Variants in RASGEF1C observed in about 807,000 individuals in gnomAD.
RASGEF1C encodes RasGEF domain family member 1C.
Under a neutral mutation model 58.1 loss-of-function variants are expected in RASGEF1C, and 27 were observed. The ratio of observed to expected loss-of-function variants is 0.46; its 90% CI spans 0.34 to 0.64. The LOEUF (loss-of-function observed/expected upper bound fraction) is 0.64, where lower values mean the gene tolerates loss of function less well. RASGEF1C is among the 30% of genes least tolerant of loss of function. The pLI, the probability that RASGEF1C is intolerant of heterozygous loss-of-function variation, is 0.01. For missense variants in RASGEF1C, 502 were observed against 605.1 expected (o/e 0.83, Z 1.79); for synonymous variants, 243 against 246.3 (o/e 0.99, Z 0.13).
intron 1 of RASGEF1C, among the ~76,000 whole-genome samples, chr5:180,191,611 C>T (rs940137540): frequency 6.6e-6 from 1 of 152,222 alleles, no homozygotes; most frequent in Non-Finnish European, 1.5e-5. Flanking sequence ...CCGCCTCAGC[C>T]TCCCAAAGTG....
Position 180,155,676 on chromosome 5 carries a change from A to G in RASGEF1C, c.-6-17618T>C, listed in dbSNP as rs1310743942. The stretch of plus-strand genomic sequence containing the variant: ...TAGAGCTCTCCCAAGAGGGCAAGTC[A>G]GCCTCTCTCCCGCTCCGTCTTCCAT... On this transcript the variant is annotated intron_variant, in intron 1 of 13. Coordinates refer to ENST00000361132, the MANE Select transcript of RASGEF1C (RefSeq NM_175062.4). This position sits in a 1 kb window ranked among gnomAD's most constrained non-coding sequence, Gnocchi z 5.2. Among the ~76,000 whole-genome samples, 3 of 151,988 alleles carry G rather than the reference A, an allele frequency of 2.0e-5. No individual in the cohort carries two copies. The highest frequency in any genetic ancestry group is 7.2e-5 in the African/African-American group (3 of 41,466).
intron 12 of RASGEF1C, among the ~76,000 whole-genome samples, chr5:180,102,816 G>C (rs1765811746): frequency 6.6e-6 from 1 of 152,088 alleles, no homozygotes; most frequent in Non-Finnish European, 1.5e-5. Context: ...TATCATATCA[G>C]CCTTAACATC....
chr5:180,199,646 G>T (rs979534532), intron 1 of RASGEF1C, among the ~76,000 whole-genome samples: 2 of 151,970 alleles, frequency 1.3e-5, no homozygotes, highest in Non-Finnish European at 2.9e-5. Flanking sequence ...AAACCAAGGT[G>T]ACCTCTGCCT....
chr5:180,136,890 T>G, intron 3 of RASGEF1C: 2 of 226,140 alleles, frequency 8.8e-6, no homozygotes, highest in Non-Finnish European at 1.7e-5. Context: ...GGCTCACAGG[T>G]GGCCACGTGA....
At position 180,137,771 on chromosome 5, in the gene RASGEF1C, T is replaced by C; in HGVS notation, c.178-59A>G. 6.2e-7 allele frequency: 1 copy of C among 1,607,126 alleles called. No individual in the cohort carries two copies. The highest frequency in any genetic ancestry group is 1.7e-4 in the Middle Eastern group (1 of 5,960). On this transcript the variant is annotated intron_variant, in intron 2 of 13. Transcript: ENST00000361132. This position sits in a 1 kb window ranked among gnomAD's most constrained non-coding sequence, Gnocchi z 4.1. The stretch of plus-strand genomic sequence containing the variant: ...AGGAGGGCACCAGGAGGGGCATGCT[T>C]CCCAGCTGGCCCTGTACCCTGGCCC...
chr5:180,151,980 A>C (rs1191006172), intron 1 of RASGEF1C, among the ~76,000 whole-genome samples: 13 of 150,332 alleles, frequency 8.6e-5, no homozygotes, highest in Admixed American at 4.0e-4. Context: ...GCTCATCATC[A>C]CTGGCTATCA....
At chr5:180,201,237 C>T (rs1756390298) in intron 1 of RASGEF1C, among the ~76,000 whole-genome samples, 1 of 152,194 alleles carries the variant, frequency 6.6e-6, no homozygotes, top group Non-Finnish European at 1.5e-5. Flanking sequence ...CAGGAAGGCC[C>T]TGCTTCTAGG....
At chr5:180,171,617 T>C (rs547872506) in intron 1 of RASGEF1C, among the ~76,000 whole-genome samples, 1 of 152,152 alleles carries the variant, frequency 6.6e-6, no homozygotes, top group Non-Finnish European at 1.5e-5. Flanking sequence ...CCTGAGCACC[T>C]GCACACTGCA....
In RASGEF1C at chr5:180,121,054, A is replaced by G; in HGVS notation, c.804+6T>C. 1 of 1,609,852 alleles carries G rather than the reference A, an allele frequency of 6.2e-7. No individual in the cohort carries two copies. Among genetic ancestry groups the G allele is most frequent in the Non-Finnish European group, 8.5e-7 (1 of 1,176,264 alleles). On this transcript the variant is annotated splice_donor_region_variant and intron_variant, in intron 7 of 13. Coordinates refer to ENST00000361132, the MANE Select transcript of RASGEF1C (RefSeq NM_175062.4). ...CAGGTGGTGCCCACCCTGGCTGTCTACTCACCATGCAGATCTCAGTTGCCA... is the reference window on the plus strand; with the variant it reads ...CAGGTGGTGCCCACCCTGGCTGTCTGCTCACCATGCAGATCTCAGTTGCCA...
At chr5:180,193,047 G>GT (rs752384336) in intron 1 of RASGEF1C, among the ~76,000 whole-genome samples, 10 of 72,566 alleles carry the variant, frequency 1.4e-4, no homozygotes, top group Admixed American at 7.4e-4. Context: ...CGCCCGGCCA[G>GT]TTTTTTTTGT....
In RASGEF1C at chr5:180,151,903, G is replaced by A. The variant is rs1288406907; in HGVS notation, c.-6-13845C>T. On this transcript the variant is annotated intron_variant, in intron 1 of 13. Coordinates refer to ENST00000361132, the MANE Select transcript of RASGEF1C (RefSeq NM_175062.4). ...AACAAACAACCCCATCAAAAAGTGGGCGAAGGATATGAACAGACACTTCTC... is the reference window on the plus strand; with the variant it reads ...AACAAACAACCCCATCAAAAAGTGGACGAAGGATATGAACAGACACTTCTC... Among the ~76,000 whole-genome samples, 3 of 151,902 alleles carry A rather than the reference G, an allele frequency of 2.0e-5. No individual in the cohort carries two copies. The East Asian group carries it at 5.8e-4, about 29-fold the overall frequency.
chr5:180,106,416 A>G (rs1765875136), intron 12 of RASGEF1C, among the ~76,000 whole-genome samples: 1 of 152,088 alleles, frequency 6.6e-6, no homozygotes, highest in African/African-American at 2.4e-5. Flanking sequence ...TAATGTATGC[A>G]TTTGGTGCTA....
At chr5:180,182,476 C>T (rs1389890538) in intron 1 of RASGEF1C, among the ~76,000 whole-genome samples, 1 of 152,184 alleles carries the variant, frequency 6.6e-6, no homozygotes, top group Non-Finnish European at 1.5e-5. Context: ...CAGGTTGCCG[C>T]TGTTGGCTGG....
Position 180,154,032 on chromosome 5 carries a change from TGA to T in RASGEF1C, c.-6-15976_-6-15975del, listed in dbSNP as rs576715597. ...TTATGTCTTATTCCTTCTCCTGCCA[TGA>T]GAGAGAACTGACCAGCCCTGGGCCT... is the stretch of plus-strand genomic sequence containing the variant. On this transcript the variant is annotated intron_variant, in intron 1 of 13. Coordinates refer to ENST00000361132, the MANE Select transcript of RASGEF1C (RefSeq NM_175062.4). 4.8e-3 allele frequency among the ~76,000 whole-genome samples: 727 copies of T among 152,304 alleles called. 5 individuals are homozygous for T. Among genetic ancestry groups the T allele is most frequent in the South Asian group, 0.024 (118 of 4,824 alleles).
intron 12 of RASGEF1C, among the ~76,000 whole-genome samples, chr5:180,102,348 C>T (rs1278712760): frequency 6.6e-6 from 1 of 151,990 alleles, no homozygotes; most frequent in Non-Finnish European, 1.5e-5. Flanking sequence ...GTGTGAAACT[C>T]ACTTCAAATG....
chr5:180,190,477 G>T lies in RASGEF1C; in HGVS notation c.-7+18551C>A, dbSNP rs566297585. On this transcript the variant is annotated intron_variant, in intron 1 of 13. Coordinates refer to ENST00000361132, the MANE Select transcript of RASGEF1C (RefSeq NM_175062.4). Reference sequence around the variant, plus strand: ...TGCACTCCAGACTGGGTGACAGAGTGAGACTCCGTCTCAAAAAAAAAAAAA... The same window carrying T: ...TGCACTCCAGACTGGGTGACAGAGTTAGACTCCGTCTCAAAAAAAAAAAAA... Among the ~76,000 whole-genome samples, 769 of 90,486 alleles carry T rather than the reference G, an allele frequency of 8.5e-3. 200 individuals carry two copies. The highest frequency in any genetic ancestry group is 0.029 in the East Asian group (58 of 2,012). The allele number at this position is 90,486 out of a possible 152,430, so 59.4% of individuals were successfully genotyped here. A position where few individuals can be genotyped will look rare whatever the true frequency, so the allele number is the denominator to read the frequency against.
At chr5:180,139,081 A>G (rs1283268873) in intron 1 of RASGEF1C, among the ~76,000 whole-genome samples, 1 of 152,166 alleles carries the variant, frequency 6.6e-6, no homozygotes, top group Non-Finnish European at 1.5e-5. Context: ...CTCCAGGCAG[A>G]GGCCAGAGCA....
intron 1 of RASGEF1C, among the ~76,000 whole-genome samples, chr5:180,184,105 A>G (rs1284717504): frequency 1.3e-5 from 2 of 152,070 alleles, no homozygotes; most frequent in Non-Finnish European, 2.9e-5. Context: ...TGAAGGTTGC[A>G]GTGAGCAGAG....
intron 1 of RASGEF1C, among the ~76,000 whole-genome samples, chr5:180,195,898 C>T (rs932209435): frequency 2.0e-5 from 3 of 152,152 alleles, no homozygotes; most frequent in Non-Finnish European, 2.9e-5. Context: ...CAGGTCCCCA[C>T]TATCTGGAAT....
Sources: gnomAD v4.1 joint callset for allele counts (sites outside exome capture counted in the v4.1 genomes callset) on GRCh38, gnomAD v4.1.1 for gene constraint, Gnocchi (gnomAD v3.1) non-coding constraint, MANE v1.5 for transcripts, NCBI Gene and HGNC (gene_info 2026-07-23, HGNC 2026-07-21) for gene names.